ELP3: variants seen among roughly 807,000 people sequenced by gnomAD.
ELP3 encodes elongator complex protein 3.
Under a neutral mutation model 74.9 loss-of-function variants are expected in ELP3, and 56 were observed. The ratio of observed to expected loss-of-function variants is 0.75; its 90% CI spans 0.60 to 0.93. The LOEUF is 0.93. Among genes scored for constraint, ELP3 ranks in the 40% least tolerant of loss-of-function variants. The pLI, the probability that ELP3 is intolerant of heterozygous loss-of-function variation, is 0.00. For synonymous variants in ELP3, 222 were observed against 239.8 expected, an observed-to-expected ratio of 0.93 and a Z score of 0.68; for missense variants, 573 against 686.5, an observed-to-expected ratio of 0.83 and a Z score of 1.85.
At chr8:28,096,524 A>G (rs1811259175) in intron 1 of ELP3, among the ~76,000 whole-genome samples, 1 of 152,216 alleles carries the variant, frequency 6.6e-6, no homozygotes, top group South Asian at 2.1e-4. Context: ...AAGAGCTCAG[A>G]TTGGCCTGGC....
intron 7 of ELP3, among the ~76,000 whole-genome samples, chr8:28,119,513 T>C (rs1812270471): frequency 6.8e-6 from 1 of 147,212 alleles, no homozygotes; most frequent in Non-Finnish European, 1.5e-5. Flanking sequence ...GTGTTCACTG[T>C]CTGCAGTGTT....
intron 6 of ELP3, among the ~76,000 whole-genome samples, chr8:28,111,913 G>A (rs1811931748): frequency 6.6e-6 from 1 of 152,046 alleles, no homozygotes; most frequent in Non-Finnish European, 1.5e-5. Context: ...ATTTTGATGA[G>A]TATCTCTTGT....
chr8:28,110,434 A>G lies in ELP3; in HGVS notation c.458A>G (p.Glu153Gly). Reference protein sequence around the residue: ...DPFLQTRHRIEQLKQLGHSVD... With the variant: ...DPFLQTRHRIGQLKQLGHSVD... Reference sequence around the variant, plus strand: ...TTCCTACAGACAAGACACCGAATAGAACAGGTACATTTTTAAAAAACATGT... The same window carrying G: ...TTCCTACAGACAAGACACCGAATAGGACAGGTACATTTTTAAAAAACATGT... Residue 153 changes from glutamate (E) to glycine (G), a missense_variant, in exon 6 of 15, where the codon GAA (glutamate) becomes GGA (glycine). Physicochemically the swap from Glu to Gly is moderately conservative, Grantham distance 98 (BLOSUM62 -2). Transcript: ENST00000256398. 1 of 1,610,368 alleles carries G rather than the reference A, an allele frequency of 6.2e-7. No individual in the cohort carries two copies. The highest frequency in any genetic ancestry group is 8.5e-7 in the Non-Finnish European group (1 of 1,178,632).
chr8:28,134,468 G>GA (rs2130471337), intron 9 of ELP3, among the ~76,000 whole-genome samples: 1 of 152,304 alleles, frequency 6.6e-6, no homozygotes, highest in African/African-American at 2.4e-5. Flanking sequence ...AAGAGTAACA[G>GA]AAGGGAGCTA....
At chr8:28,109,204 A>G (rs999794770) in intron 5 of ELP3, among the ~76,000 whole-genome samples, 1 of 152,196 alleles carries the variant, frequency 6.6e-6, no homozygotes, top group Non-Finnish European at 1.5e-5. Context: ...TTTGATGGCC[A>G]TGTAGAGAAA....
At chr8:28,140,731 A>G (rs748885423) in intron 10 of ELP3, among the ~76,000 whole-genome samples, 4 of 152,098 alleles carry the variant, frequency 2.6e-5, no homozygotes, top group Non-Finnish European at 5.9e-5. Context: ...AGGATTCGCC[A>G]TTTAGTATGG....
At chr8:28,091,474 T>C (rs1023712974), upstream of ELP3, among the ~76,000 whole-genome samples, 49 of 152,230 alleles carry the variant, frequency 3.2e-4, no homozygotes, top group Non-Finnish European at 2.2e-4. Flanking sequence ...CAAATACCAC[T>C]GAACTTGGCA....
At chr8:28,101,095 G>T (rs1055970524) in intron 3 of ELP3, among the ~76,000 whole-genome samples, 1 of 151,276 alleles carries the variant, frequency 6.6e-6, no homozygotes, top group Non-Finnish European at 1.5e-5. Context: ...AAGTGTTTTT[G>T]TTTTGTTTTG....
chr8:28,138,007 T>A, intron 10 of ELP3, 116 bp downstream of exon 10: 1 of 942,032 alleles, frequency 1.1e-6, no homozygotes, highest in Non-Finnish European at 1.5e-6. Flanking sequence ...GGAAATAAGA[T>A]AACTGGAATG....
chr8:28,110,850 G>A (rs1811890122), intron 6 of ELP3: 2 of 165,348 alleles, frequency 1.2e-5, no homozygotes, highest in African/African-American at 4.8e-5. Flanking sequence ...GGAAGGCTGT[G>A]ACAGCAGGTC....
intron 8 of ELP3, 38 bp downstream of exon 8, chr8:28,129,701 C>G: frequency 6.2e-7 from 1 of 1,610,526 alleles, no homozygotes; most frequent in Non-Finnish European, 8.5e-7. Context: ...AAGTCTTCCT[C>G]CAAGTTCACC....
At chr8:28,110,341 G>A (rs1811866758) in intron 5 of ELP3, 29 bp from the exon 6 acceptor site, 2 of 1,586,160 alleles carry the variant, frequency 1.3e-6, no homozygotes, top group Non-Finnish European at 1.7e-6. Context: ...TTAATTCAAT[G>A]TGGGCATAAC....
At chr8:28,138,013 G>A in intron 10 of ELP3, 122 bp downstream of exon 10, 2 of 892,522 alleles carry the variant, frequency 2.2e-6, no homozygotes, top group East Asian at 2.9e-5. Context: ...AAGATAACTG[G>A]AATGCTATCT....
chr8:28,150,645 T>C (rs1813606686), intron 10 of ELP3, among the ~76,000 whole-genome samples: 1 of 152,110 alleles, frequency 6.6e-6, no homozygotes, highest in African/African-American at 2.4e-5. Flanking sequence ...TCAGGAATGT[T>C]CTTTATCTTT....
chr8:28,138,918 C>A (rs1179552977), intron 10 of ELP3, among the ~76,000 whole-genome samples: 1 of 152,122 alleles, frequency 6.6e-6, no homozygotes, highest in Admixed American at 6.5e-5. Context: ...ATAGAAAAAT[C>A]AACTGTTGAA....
chr8:28,188,829 G>C (rs1815343358), intron 14 of ELP3, among the ~76,000 whole-genome samples: 1 of 152,146 alleles, frequency 6.6e-6, no homozygotes, highest in Non-Finnish European at 1.5e-5. Context: ...TAGCCAACTT[G>C]GACAGCAGTT....
chr8:28,121,809 T>A (rs891730012), intron 7 of ELP3, among the ~76,000 whole-genome samples: 1 of 152,234 alleles, frequency 6.6e-6, no homozygotes, highest in Non-Finnish European at 1.5e-5. Flanking sequence ...TACTTTTCCC[T>A]TTTGGATTTG....
intron 8 of ELP3, 115 bp from the exon 9 acceptor site, chr8:28,132,163 C>A: frequency 8.8e-7 from 1 of 1,137,470 alleles, no homozygotes; most frequent in Non-Finnish European, 1.3e-6. Flanking sequence ...TGTTACCTGT[C>A]TCAGAGATTG....
At position 28,132,315 on chromosome 8, in the gene ELP3, C is replaced by G. The variant is rs1333750087; in HGVS notation, c.817C>G (p.Leu273Val). ...GAAGGCAGTGTGTGAGTCATTTCAC[C>G]TGGCCAAAGATTCCGGTTTTAAAGT... Reference protein sequence around the residue: ...TVKAVCESFHLAKDSGFKVVA... With the variant: ...TVKAVCESFHVAKDSGFKVVA... Residue 273 changes from leucine to valine, a missense_variant, in exon 9 of 15, where the codon CTG becomes GTG. Coordinates refer to ENST00000256398, the MANE Select transcript of ELP3 (RefSeq NM_018091.6). The G allele has an allele frequency of 1.2e-6, 2 of 1,614,102 alleles. No individual in the cohort carries two copies. The highest frequency in any genetic ancestry group is 1.7e-5 in the Admixed American group (1 of 60,004).
Sources: allele counts gnomAD v4.1 joint callset (sites outside exome capture counted in the v4.1 genomes callset), GRCh38; gene constraint gnomAD v4.1.1; transcripts MANE v1.5; gene names NCBI Gene and HGNC (gene_info 2026-07-23, HGNC 2026-07-21).